Variants in ANKS1B observed in about 807,000 individuals in gnomAD.
ANKS1B encodes ankyrin repeat and sterile alpha motif domain-containing protein 1B.
Under a neutral mutation model 148.3 loss-of-function variants are expected in ANKS1B, and 36 were observed. That is an observed-to-expected ratio of 0.24 (90% CI 0.19 to 0.32). The LOEUF (loss-of-function observed/expected upper bound fraction) is 0.32, where lower values mean the gene tolerates loss of function less well. ANKS1B is among the 10% of genes least tolerant of loss of function. ANKS1B has a pLI of 1.00. For missense variants in ANKS1B, 1,157 were observed against 1,542.6 expected, an observed-to-expected ratio of 0.75 and a Z score of 4.19; for synonymous variants, 542 against 560.8, an observed-to-expected ratio of 0.97 and a Z score of 0.47.
chr12:99,475,238 C>T (rs932194796), intron 10 of ANKS1B, among the ~76,000 whole-genome samples: 3 of 142,118 alleles, frequency 2.1e-5, no homozygotes, highest in East Asian at 2.0e-4. Flanking sequence ...GAGTCAGACT[C>T]TGTTTCAAAA....
At chr12:99,046,738 G>A (rs1239409891) in intron 17 of ANKS1B, among the ~76,000 whole-genome samples, 2 of 150,086 alleles carry the variant, frequency 1.3e-5, no homozygotes, top group Non-Finnish European at 3.0e-5. Flanking sequence ...GGTGGAGCTT[G>A]CAGTGAGCAG....
intron 1 of ANKS1B, among the ~76,000 whole-genome samples, chr12:99,964,943 T>A (rs941323325): frequency 5.3e-5 from 8 of 152,058 alleles, no homozygotes; most frequent in Non-Finnish European, 1.2e-4. Context: ...ATCAAATAAG[T>A]ATATATACAA....
At chr12:99,928,597 G>A (rs1387897219) in intron 1 of ANKS1B, among the ~76,000 whole-genome samples, 3 of 152,162 alleles carry the variant, frequency 2.0e-5, no homozygotes, top group Non-Finnish European at 4.4e-5. Context: ...ATTTTATAAA[G>A]CTGCTGACAA....
rs573705426 is a variant in ANKS1B, at chr12:99,465,590, G to A, written c.1439-21781C>T. 3.3e-5 allele frequency among the ~76,000 whole-genome samples: 5 copies of A among 152,184 alleles called. No homozygotes were observed. In the South Asian group the frequency reaches 6.2e-4, roughly 19 times the overall value. On this transcript the variant is annotated intron_variant, in intron 10 of 26. Coordinates refer to ENST00000683438, the MANE Select transcript of ANKS1B (RefSeq NM_001352186.2). ...ACACATAGGCTCAAAATAAAAGGAT[G>A]GAGGAAGATCTACCAAGCAAATGGA...
chr12:98,801,139 T>C lies in ANKS1B; in HGVS notation c.3142-14A>G. On this transcript the variant is annotated splice_polypyrimidine_tract_variant and intron_variant, in intron 20 of 26. Transcript: ENST00000683438. This position sits in a 1 kb window ranked among gnomAD's most constrained non-coding sequence, Gnocchi z 5.2. ...CCAGTCTCCTGTCTGAAAATGACAT[T>C]TATTCTAGAGGCAATATGAGCAGTC... 1 of 1,610,794 alleles carries C rather than the reference T, an allele frequency of 6.2e-7. No individual in the cohort carries two copies. Among genetic ancestry groups the C allele is most frequent in the East Asian group, 2.2e-5 (1 of 44,760 alleles).
intron 1 of ANKS1B, among the ~76,000 whole-genome samples, chr12:99,964,846 T>G (rs1481417717): frequency 2.0e-5 from 3 of 151,864 alleles, no homozygotes; most frequent in Non-Finnish European, 2.9e-5. Flanking sequence ...TAGTGTGGGG[T>G]GACAGAGCCT....
intron 17 of ANKS1B, among the ~76,000 whole-genome samples, chr12:98,885,918 A>G (rs2099738836): frequency 6.6e-6 from 1 of 152,168 alleles, no homozygotes; most frequent in South Asian, 2.1e-4. Context: ...AGTTACTCAC[A>G]CTATGTCTGG....
At chr12:99,461,017 T>G (rs1334878831) in intron 10 of ANKS1B, among the ~76,000 whole-genome samples, 1 of 150,978 alleles carries the variant, frequency 6.6e-6, no homozygotes, top group African/African-American at 2.4e-5. Context: ...AATCAACGAG[T>G]GGATAAAGAA....
chr12:98,923,532 G>A (rs934995344), intron 17 of ANKS1B, among the ~76,000 whole-genome samples: 3 of 152,274 alleles, frequency 2.0e-5, no homozygotes, highest in East Asian at 1.9e-4. Flanking sequence ...AGTTTCTGGT[G>A]ACTTTCATTC....
intron 10 of ANKS1B, among the ~76,000 whole-genome samples, chr12:99,481,033 A>T (rs116472609): frequency 1.9e-3 from 279 of 150,618 alleles, no homozygotes; most frequent in African/African-American, 5.2e-3. Flanking sequence ...GTCTTTTTTT[A>T]AAAAAAAATT....
chr12:99,759,325 T>G (rs2061862049), intron 8 of ANKS1B, among the ~76,000 whole-genome samples: 1 of 151,906 alleles, frequency 6.6e-6, no homozygotes, highest in South Asian at 2.1e-4. Context: ...CACTGTATCT[T>G]TTACTTACGA....
intron 12 of ANKS1B, among the ~76,000 whole-genome samples, chr12:99,324,725 C>T (rs2085976588): frequency 6.6e-6 from 1 of 152,138 alleles, no homozygotes; most frequent in Admixed American, 6.6e-5. Flanking sequence ...TATGAAGAGG[C>T]TGTACAAAGT....
intron 16 of ANKS1B, among the ~76,000 whole-genome samples, chr12:99,058,641 C>G (rs1218437327): frequency 6.6e-6 from 1 of 151,578 alleles, no homozygotes; most frequent in African/African-American, 2.4e-5. Context: ...TGTAATATAC[C>G]TCCACATCTT....
chr12:99,790,680 G>A lies in ANKS1B; in HGVS notation c.670-8583C>T, dbSNP rs141180211. 5.2e-3 allele frequency among the ~76,000 whole-genome samples: 793 copies of A among 152,092 alleles called. 4 individuals carry two copies. Among genetic ancestry groups the A allele is most frequent in the Non-Finnish European group, 8.0e-3 (544 of 67,938 alleles). Reference sequence around the variant, plus strand: ...GTGTGTTTGTTTGTTTATGCAATCAGTGTCATCATCAGTTTAAAGTAATGG... The same window carrying A: ...GTGTGTTTGTTTGTTTATGCAATCAATGTCATCATCAGTTTAAAGTAATGG... On this transcript the variant is annotated intron_variant, in intron 4 of 26. Transcript: ENST00000683438.
At chr12:99,922,340 G>C (rs2094378574) in intron 1 of ANKS1B, among the ~76,000 whole-genome samples, 1 of 152,020 alleles carries the variant, frequency 6.6e-6, no homozygotes, top group Non-Finnish European at 1.5e-5. Context: ...CTAGGTTTAA[G>C]AGCCAAAGGA....
chr12:99,747,951 T>A (rs994748452), intron 8 of ANKS1B, among the ~76,000 whole-genome samples: 2 of 148,450 alleles, frequency 1.3e-5, no homozygotes, highest in Non-Finnish European at 3.0e-5. Context: ...AATGTATGAA[T>A]GCAAATTTCT....
intron 17 of ANKS1B, among the ~76,000 whole-genome samples, chr12:98,849,232 T>C (rs1013498181): frequency 1.2e-4 from 17 of 136,228 alleles, no homozygotes; most frequent in African/African-American, 4.9e-4. Flanking sequence ...CCAGCATTTC[T>C]TTTTTTTTTT....
chr12:99,307,949 T>C (rs940649486), intron 12 of ANKS1B, among the ~76,000 whole-genome samples: 7 of 152,050 alleles, frequency 4.6e-5, no homozygotes, highest in African/African-American at 7.2e-5. Flanking sequence ...GTCTTTTCTA[T>C]GGAGGACTCC....
chr12:98,850,880 T>C (rs2099521114), intron 17 of ANKS1B, among the ~76,000 whole-genome samples: 1 of 152,160 alleles, frequency 6.6e-6, no homozygotes, highest in Non-Finnish European at 1.5e-5. Context: ...GACCTAACCT[T>C]ATGCAGAAAA....
Sources: gnomAD v4.1 joint callset for allele counts (sites outside exome capture counted in the v4.1 genomes callset) on GRCh38, gnomAD v4.1.1 for gene constraint, Gnocchi (gnomAD v3.1) non-coding constraint, MANE v1.5 for transcripts, NCBI Gene and HGNC (gene_info 2026-07-23, HGNC 2026-07-21) for gene names.